Variants in ST7 observed in about 807,000 individuals in gnomAD.
The protein encoded by ST7 is suppression of tumorigenicity 7.
A neutral mutation model predicts 78.7 loss-of-function variants in ST7; 28 were observed. That is an observed-to-expected ratio of 0.36 (90% CI 0.26 to 0.49). ST7 has a LOEUF of 0.49. Ranked by LOEUF, ST7 falls within the 20% of genes least tolerant of loss-of-function variation. The pLI is 0.99. For missense variants in ST7, 418 were observed against 696.0 expected, an observed-to-expected ratio of 0.60 and a Z score of 4.49; for synonymous variants, 247 against 249.6, an observed-to-expected ratio of 0.99 and a Z score of 0.10.
chr7:117,148,830 C>T (rs1806015472), intron 9 of ST7, among the ~76,000 whole-genome samples: 2 of 152,140 alleles, frequency 1.3e-5, no homozygotes, highest in African/African-American at 4.8e-5. Context: ...GTGTGGGGAG[C>T]ACTGATGTCT....
chr7:117,223,973 T>C, intron 15 of ST7: 1 of 974,332 alleles, frequency 1.0e-6, no homozygotes, highest in Middle Eastern at 5.3e-4. Flanking sequence ...TATTTTTTTT[T>C]CTCTTCTTGT....
chr7:117,033,915 A>G (rs902542220), intron 1 of ST7, among the ~76,000 whole-genome samples: 1 of 151,994 alleles, frequency 6.6e-6, no homozygotes, highest in African/African-American at 2.4e-5. Context: ...TGGAGCTGCT[A>G]TGAGGTCGTT....
intron 1 of ST7, among the ~76,000 whole-genome samples, chr7:116,957,671 G>C (rs943674457): frequency 1.3e-5 from 2 of 152,190 alleles, no homozygotes; most frequent in African/African-American, 4.8e-5. Flanking sequence ...CTTTTCCAAA[G>C]GGCAGAAAAT....
chr7:117,129,738 G>C (rs531599020), intron 3 of ST7, 55 bp from the exon 4 acceptor site: 1 of 1,347,910 alleles, frequency 7.4e-7, no homozygotes, highest in African/African-American at 1.4e-5. Context: ...GAATTAATTA[G>C]CTTGTAGTGT....
intron 1 of ST7, among the ~76,000 whole-genome samples, chr7:117,031,877 T>C (rs1299803808): frequency 7.1e-6 from 1 of 141,776 alleles, no homozygotes; most frequent in Non-Finnish European, 1.5e-5. Context: ...TATCTATATA[T>C]ATATATTTTT....
chr7:117,060,809 C>T (rs1338918633), intron 1 of ST7, among the ~76,000 whole-genome samples: 1 of 151,992 alleles, frequency 6.6e-6, no homozygotes, highest in East Asian at 1.9e-4. Flanking sequence ...AGTTTGAGAC[C>T]AGCCTGGCCA....
chr7:117,144,660 G>GGGGGTTCCCTAACCATACCTCCA (rs1805605752), intron 9 of ST7, among the ~76,000 whole-genome samples: 2 of 150,772 alleles, frequency 1.3e-5, no homozygotes, highest in African/African-American at 2.4e-5. Flanking sequence ...CCAAAATTCT[G>GGGGGTTCCCTAACCATACCTCCA]GGGGTTCCCT....
intron 1 of ST7, among the ~76,000 whole-genome samples, chr7:117,074,356 A>C (rs1417922968): frequency 6.6e-6 from 1 of 152,176 alleles, no homozygotes; most frequent in Non-Finnish European, 1.5e-5. Context: ...GTGCCACTGC[A>C]CTCCAACATG....
intron 2 of ST7, among the ~76,000 whole-genome samples, chr7:117,105,838 C>G (rs1563085060): frequency 6.6e-6 from 1 of 152,130 alleles, no homozygotes; most frequent in African/African-American, 2.4e-5. Context: ...ATATGTACAG[C>G]TATTATGTAT....
chr7:116,964,724 T>G (rs1048373644), intron 1 of ST7, among the ~76,000 whole-genome samples: 4 of 152,222 alleles, frequency 2.6e-5, no homozygotes, highest in African/African-American at 9.6e-5. Context: ...GTATTTTAAA[T>G]TGTACCCTTA....
chr7:117,089,559 G>GTTTTTTTT, intron 1 of ST7, among the ~76,000 whole-genome samples: 1 of 149,264 alleles, frequency 6.7e-6, no homozygotes, highest in Admixed American at 6.7e-5. Flanking sequence ...TCAACAGTTT[G>GTTTTTTTT]TTTTTTGTTT....
chr7:117,057,984 C>G (rs1798151211), intron 1 of ST7, among the ~76,000 whole-genome samples: 1 of 152,164 alleles, frequency 6.6e-6, no homozygotes, highest in African/African-American at 2.4e-5. Flanking sequence ...AGGATAATGA[C>G]TGTTTCTTGT....
At chr7:117,049,674 T>C (rs915535016) in intron 1 of ST7, among the ~76,000 whole-genome samples, 2 of 152,370 alleles carry the variant, frequency 1.3e-5, no homozygotes, top group Non-Finnish European at 2.9e-5. Context: ...TAGTGACAGC[T>C]TCATGAATTT....
At chr7:116,996,082 G>GTTT (rs71148355) in intron 1 of ST7, among the ~76,000 whole-genome samples, 18,298 of 130,098 alleles carry the variant, frequency 0.14, 1,703 homozygotes, top group South Asian at 0.22. Context: ...CAGATTCCCC[G>GTTT]TTTTTTTTTT....
At chr7:117,205,945 A>C (rs542114224) in intron 12 of ST7, among the ~76,000 whole-genome samples, 7 of 152,240 alleles carry the variant, frequency 4.6e-5, no homozygotes, top group Non-Finnish European at 8.8e-5. Flanking sequence ...TGATTTCTGC[A>C]TACTTGTGGA....
chr7:117,030,808 A>G (rs1415307225), intron 1 of ST7, among the ~76,000 whole-genome samples: 1 of 152,190 alleles, frequency 6.6e-6, no homozygotes, highest in Non-Finnish European at 1.5e-5. Context: ...AACAGGATTA[A>G]CATTCAACCC....
intron 9 of ST7, among the ~76,000 whole-genome samples, chr7:117,153,548 A>T (rs1227415044): frequency 6.6e-6 from 1 of 152,226 alleles, no homozygotes; most frequent in Non-Finnish European, 1.5e-5. Context: ...CTGTTGTGTC[A>T]TGAAATCCAT....
chr7:116,954,801 G>A (rs1007102734), intron 1 of ST7: 30 of 274,018 alleles, frequency 1.1e-4, no homozygotes, highest in South Asian at 8.4e-4. Context: ...CATACTCTGG[G>A]AGTGCAAGTC....
At chr7:117,129,960 T>G in intron 4 of ST7, 113 bp downstream of exon 4, 1 of 719,214 alleles carries the variant, frequency 1.4e-6, no homozygotes, top group Non-Finnish European at 2.3e-6. Context: ...ATGTAGTGCG[T>G]CCATTTTTTA....
Sources: allele counts gnomAD v4.1 joint callset (sites outside exome capture counted in the v4.1 genomes callset), GRCh38; gene constraint gnomAD v4.1.1; transcripts MANE v1.5; gene names NCBI Gene and HGNC (gene_info 2026-07-23, HGNC 2026-07-21).